Variants in NEMP2 observed in about 807,000 individuals in gnomAD.
NEMP2 encodes nuclear envelope integral membrane protein 2.
Under a neutral mutation model 54.2 loss-of-function variants are expected in NEMP2, and 53 were observed. That is an observed-to-expected ratio of 0.98 (90% CI 0.78 to 1.23). The LOEUF is 1.23. Among genes scored for constraint, NEMP2 ranks in the 50% most tolerant of loss-of-function variants. The probability of loss-of-function intolerance (pLI) is 0.00; values close to 1 mark genes in which losing one functional copy is unlikely to be tolerated. For synonymous variants in NEMP2, 197 were observed against 190.3 expected (o/e 1.04, Z -0.29); for missense variants, 455 against 511.3 (o/e 0.89, Z 1.06).
chr2:190,506,119 GA>G lies in NEMP2; in HGVS notation c.*3069del, dbSNP rs1478850448. On this transcript the variant is annotated 3_prime_UTR_variant, in exon 9 of 9. Transcript: ENST00000409150. The surrounding 1 kb of genome is among the most constrained non-coding windows in gnomAD (Gnocchi z 6.3). ...ACTACCTGTACCAACTATATGAATT[GA>G]CTAACAAGAGACAGGTCTTATGGTG... is the stretch of plus-strand genomic sequence containing the variant. 24 of 152,276 alleles carry G rather than the reference GA, an allele frequency of 1.6e-4. No homozygotes were observed. The highest frequency in any genetic ancestry group is 1.0e-3 in the Admixed American group (16 of 15,298). 9.4% of individuals were successfully genotyped at this position (152,276 alleles called of 1,614,324 possible).
the NEMP2 span, chr2:190,436,528 A>C: frequency 6.2e-7 from 1 of 1,614,020 alleles, no homozygotes; most frequent in South Asian, 1.1e-5. This position sits in a 1 kb window ranked among gnomAD's most constrained non-coding sequence, Gnocchi z 5.3. Context: ...TCGCCCAACA[A>C]CTCACCCCAC....
chr2:190,531,667 C>T lies in NEMP2; in HGVS notation c.97+2892G>A, dbSNP rs1425669762. ...TTCAATTAATCTAATTTTAGAATTACATATCTAGTATAAAAAAGGGACAGC... is the reference window on the plus strand; with the variant it reads ...TTCAATTAATCTAATTTTAGAATTATATATCTAGTATAAAAAAGGGACAGC... On this transcript the variant is annotated intron_variant, in intron 1 of 8. Coordinates refer to ENST00000409150, the MANE Select transcript of NEMP2 (RefSeq NM_001142645.2). This position sits in a 1 kb window ranked among gnomAD's most constrained non-coding sequence, Gnocchi z 4.7. Among the ~76,000 whole-genome samples, 1 of 152,062 alleles carries T rather than the reference C, an allele frequency of 6.6e-6. No homozygotes were observed. The highest frequency in any genetic ancestry group is 1.5e-5 in the Non-Finnish European group (1 of 68,022).
chr2:190,473,115 C>T, the NEMP2 span, among the ~76,000 whole-genome samples: 2 of 152,156 alleles, frequency 1.3e-5, no homozygotes, highest in South Asian at 2.1e-4. Context: ...ACAACCGGTA[C>T]CAGCTACTGC....
chr2:190,435,787 A>T, the NEMP2 span: 1 of 470,818 alleles, frequency 2.1e-6, no homozygotes, highest in Non-Finnish European at 3.7e-6. Context: ...GTGGCCATAA[A>T]GAGTATTCGA....
At position 190,504,699 on chromosome 2, in the gene NEMP2, C is replaced by T. The variant is rs556867050; in HGVS notation, c.*4490G>A. The stretch of plus-strand genomic sequence containing the variant: ...AACAAATTATATACCATACTCTCTC[C>T]AATAGTCAGTGTAGGATGCTATTCT... On this transcript the variant is annotated 3_prime_UTR_variant, in exon 9 of 9. Coordinates refer to ENST00000409150, the MANE Select transcript of NEMP2 (RefSeq NM_001142645.2). The surrounding 1 kb of genome is among the most constrained non-coding windows in gnomAD (Gnocchi z 5.6). The T allele has an allele frequency of 8.5e-5, 13 of 152,140 alleles. No homozygotes were observed. The South Asian group carries it at 1.9e-3, about 22-fold the overall frequency. 9.4% of individuals were successfully genotyped at this position (152,140 alleles called of 1,614,324 possible). A position where few individuals can be genotyped will look rare whatever the true frequency, so the allele number is the denominator to read the frequency against.
chr2:190,492,670 C>G, the NEMP2 span, among the ~76,000 whole-genome samples: 1 of 152,056 alleles, frequency 6.6e-6, no homozygotes, highest in African/African-American at 2.4e-5. This position sits in a 1 kb window ranked among gnomAD's most constrained non-coding sequence, Gnocchi z 5.2. Flanking sequence ...AAACAATTAC[C>G]AGCCAAGAAT....
At chr2:190,448,248 A>G in the NEMP2 span, among the ~76,000 whole-genome samples, 1 of 152,204 alleles carries the variant, frequency 6.6e-6, no homozygotes, top group African/African-American at 2.4e-5. Flanking sequence ...CCAATTTAGC[A>G]CTCTATGCTC....
the NEMP2 span, among the ~76,000 whole-genome samples, chr2:190,542,886 G>C: frequency 6.6e-6 from 1 of 152,072 alleles, no homozygotes; most frequent in Non-Finnish European, 1.5e-5. The surrounding 1 kb of genome is among the most constrained non-coding windows in gnomAD (Gnocchi z 4.6). Flanking sequence ...TTTAGTCACT[G>C]GTTCTTTGCT....
chr2:190,648,513 GTTGTTTTT>G, the NEMP2 span: 1 of 58,594 alleles, frequency 1.7e-5, no homozygotes, highest in Non-Finnish European at 3.6e-5. Context: ...CCGGCGCGCT[GTTGTTTTT>G]TTTTTTTTTT....
chr2:190,585,916 C>T, the NEMP2 span, among the ~76,000 whole-genome samples: 1 of 152,112 alleles, frequency 6.6e-6, no homozygotes, highest in African/African-American at 2.4e-5. This position sits in a 1 kb window ranked among gnomAD's most constrained non-coding sequence, Gnocchi z 5.3. Flanking sequence ...TGTAGAGCTT[C>T]AAACAAATAA....
chr2:190,442,010 G>A, the NEMP2 span, among the ~76,000 whole-genome samples: 4 of 152,248 alleles, frequency 2.6e-5, 1 homozygote, highest in Non-Finnish European at 1.5e-5. Context: ...ATACTGTGAA[G>A]AAACAGAATA....
At chr2:190,594,007 G>C in the NEMP2 span, among the ~76,000 whole-genome samples, 14 of 152,312 alleles carry the variant, frequency 9.2e-5, no homozygotes, top group African/African-American at 2.9e-4. The surrounding 1 kb of genome is among the most constrained non-coding windows in gnomAD (Gnocchi z 5.6). Context: ...CTTCTCATGT[G>C]ATGAGAATCA....
chr2:190,519,480 C>T lies in NEMP2; in HGVS notation c.214-297G>A, dbSNP rs2125323903. On this transcript the variant is annotated intron_variant, in intron 2 of 8. Coordinates refer to ENST00000409150, the MANE Select transcript of NEMP2 (RefSeq NM_001142645.2). The surrounding 1 kb of genome is among the most constrained non-coding windows in gnomAD (Gnocchi z 5.4). ...AAGCTGTTTGCCTGCTTCAGCCTCC[C>T]AAAGTGCTGGGATTACCGGCATGAG... Among the ~76,000 whole-genome samples, 1 of 152,340 alleles carries T rather than the reference C, an allele frequency of 6.6e-6. No individual in the cohort carries two copies. The highest frequency in any genetic ancestry group is 6.5e-5 in the Admixed American group (1 of 15,308).
At chr2:190,612,398 C>G in the NEMP2 span, among the ~76,000 whole-genome samples, 1 of 152,150 alleles carries the variant, frequency 6.6e-6, no homozygotes, top group African/African-American at 2.4e-5. Flanking sequence ...TCGTGATCTG[C>G]CCTCCTCAGC....
the NEMP2 span, among the ~76,000 whole-genome samples, chr2:190,552,129 G>C: frequency 1.3e-5 from 2 of 152,160 alleles, no homozygotes; most frequent in Non-Finnish European, 2.9e-5. Flanking sequence ...ACCTACCCAC[G>C]TGTTTCCCAG....
the NEMP2 span, among the ~76,000 whole-genome samples, chr2:190,556,244 T>G: frequency 6.6e-6 from 1 of 152,180 alleles, no homozygotes; most frequent in Admixed American, 6.5e-5. Flanking sequence ...ATTATCTCAA[T>G]AGATGCAGAA....
the NEMP2 span, among the ~76,000 whole-genome samples, chr2:190,451,478 A>G: frequency 1.3e-5 from 2 of 152,234 alleles, no homozygotes; most frequent in African/African-American, 4.8e-5. The surrounding 1 kb of genome is among the most constrained non-coding windows in gnomAD (Gnocchi z 5.0). Context: ...TAAGAAAGAT[A>G]AAGGTCAGTC....
chr2:190,490,814 TAGCC>T, the NEMP2 span, among the ~76,000 whole-genome samples: 1 of 152,210 alleles, frequency 6.6e-6, no homozygotes, highest in Non-Finnish European at 1.5e-5. The surrounding 1 kb of genome is among the most constrained non-coding windows in gnomAD (Gnocchi z 4.5). Context: ...TGCGGAGCAT[TAGCC>T]TCAGGCCCCT....
At chr2:190,589,598 C>G in the NEMP2 span, among the ~76,000 whole-genome samples, 1 of 152,094 alleles carries the variant, frequency 6.6e-6, no homozygotes, top group Non-Finnish European at 1.5e-5. The surrounding 1 kb of genome is among the most constrained non-coding windows in gnomAD (Gnocchi z 4.3). Context: ...AGCAGTTTCC[C>G]TAGAATCCTG....
Sources: gnomAD v4.1 joint callset for allele counts (sites outside exome capture counted in the v4.1 genomes callset) on GRCh38, gnomAD v4.1.1 for gene constraint, Gnocchi (gnomAD v3.1) non-coding constraint, MANE v1.5 for transcripts, NCBI Gene and HGNC (gene_info 2026-07-23, HGNC 2026-07-21) for gene names.